BIN1: variants seen among roughly 807,000 people sequenced by gnomAD.
BIN1 encodes bridging integrator 1.
Under a neutral mutation model 82.0 loss-of-function variants are expected in BIN1, and 53 were observed. The observed-to-expected ratio is 0.65, with a 90% confidence interval of 0.52 to 0.81. The LOEUF (loss-of-function observed/expected upper bound fraction) is 0.81. Among genes scored for constraint, BIN1 ranks in the 40% least tolerant of loss-of-function variants. The pLI is 0.00. For missense variants in BIN1, 642 were observed against 784.4 expected, an observed-to-expected ratio of 0.82 and a Z score of 2.17; for synonymous variants, 302 against 328.0, an observed-to-expected ratio of 0.92 and a Z score of 0.86.
intron 9 of BIN1, among the ~76,000 whole-genome samples, chr2:127,063,152 G>A (rs1355733120): frequency 1.3e-5 from 2 of 152,224 alleles, no homozygotes; most frequent in Admixed American, 6.5e-5. Flanking sequence ...TCACGCAGAC[G>A]AAACAGGCCT....
Position 127,050,878 on chromosome 2 carries a change from G to A in BIN1, c.1496C>T (p.Pro499Leu), listed in dbSNP as rs1682842845. Residue 499 changes from proline (P) to leucine (L), a missense_variant, in exon 17 of 19, where the codon CCA becomes CTA. Physicochemically the swap from Pro to Leu is moderately conservative, Grantham distance 98. Transcript: ENST00000316724. Reference sequence around the variant, plus strand: ...CTCCACGGTGCCATTCACAGTTGCTGGGAAGGTCTCCACCACGACAGCAGG... The same window carrying A: ...CTCCACGGTGCCATTCACAGTTGCTAGGAAGGTCTCCACCACGACAGCAGG... ...SLPAVVVETFPATVNGTVEGG... is the reference protein window; with the variant it reads ...SLPAVVVETFLATVNGTVEGG... The A allele has an allele frequency of 5.6e-6, 9 of 1,613,962 alleles. No individual in the cohort carries two copies. The highest frequency in any genetic ancestry group is 1.6e-4 in the Middle Eastern group (1 of 6,062).
At chr2:127,073,390 A>G (rs765349638) in intron 2 of BIN1, among the ~76,000 whole-genome samples, 2 of 152,254 alleles carry the variant, frequency 1.3e-5, no homozygotes, top group African/African-American at 4.8e-5. Context: ...CACAGAGCCC[A>G]GCTGGGGGAA....
intron 2 of BIN1, among the ~76,000 whole-genome samples, chr2:127,072,416 C>T (rs1466127295): frequency 1.3e-5 from 2 of 152,216 alleles, no homozygotes; most frequent in Non-Finnish European, 2.9e-5. Context: ...CCGGCCCAGT[C>T]ACACAGAGAC....
At chr2:127,080,032 T>C (rs964036710) in intron 1 of BIN1, among the ~76,000 whole-genome samples, 1 of 152,244 alleles carries the variant, frequency 6.6e-6, no homozygotes, top group African/African-American at 2.4e-5. Flanking sequence ...GGCCACAGCA[T>C]GGCCGAGGCC....
chr2:127,101,168 A>G (rs873600), intron 1 of BIN1, among the ~76,000 whole-genome samples: 61,929 of 151,868 alleles, frequency 0.41, 13,138 homozygotes, highest in African/African-American at 0.54. Flanking sequence ...TCCATCCTGG[A>G]CAGGTACCCC....
At chr2:127,069,119 C>T (rs867484505) in intron 5 of BIN1, 88 bp from the exon 6 acceptor site, 22 of 1,278,034 alleles carry the variant, frequency 1.7e-5, no homozygotes, top group South Asian at 1.2e-4. Flanking sequence ...ACCCGCAGGG[C>T]GGGCAGGAGA....
rs551737508 is a variant in BIN1, at chr2:127,060,420, G to A, written c.858-1265C>T. 1.6e-4 allele frequency among the ~76,000 whole-genome samples: 25 copies of A among 152,284 alleles called. No individual in the cohort carries two copies. In the East Asian group the frequency reaches 2.5e-3, roughly 15 times the overall value. ...CAGCCAGATGCTCAGAGGCCAGCCC[G>A]CCCCGCGCCGCCTCCGCCTTCCCAC... On this transcript the variant is annotated intron_variant, in intron 10 of 18. Coordinates refer to ENST00000316724, the MANE Select transcript of BIN1 (RefSeq NM_139343.3).
chr2:127,094,410 G>A (rs1679315843), intron 1 of BIN1, among the ~76,000 whole-genome samples: 1 of 152,170 alleles, frequency 6.6e-6, no homozygotes, highest in African/African-American at 2.4e-5. Context: ...CCCCCTTCAG[G>A]ATTGAGACCA....
chr2:127,055,010 G>C (rs1055443369), intron 12 of BIN1: 1 of 152,290 alleles, frequency 6.6e-6, no homozygotes, highest in Non-Finnish European at 1.5e-5. Context: ...TTCCCTTTGG[G>C]GGCCAGAGAG....
rs557786892 is a variant in BIN1, at chr2:127,081,988, A to C, written c.85-5282T>G. On this transcript the variant is annotated intron_variant, in intron 1 of 18. Coordinates refer to ENST00000316724, the MANE Select transcript of BIN1 (RefSeq NM_139343.3). ...CGGCGTTCTCACACCGAGGCTCCCC[A>C]GGCAGGCAGACACAGACAGAGGACA... 1,351 of 957,378 alleles carry C rather than the reference A, an allele frequency of 1.4e-3. 20 individuals carry two copies. In the South Asian group the frequency reaches 0.015, roughly 10 times the overall value. The allele number at this position is 957,378 out of a possible 1,614,324, so 59.3% of individuals were successfully genotyped here. A position where few individuals can be genotyped will look rare whatever the true frequency, so the allele number is the denominator to read the frequency against.
chr2:127,092,718 G>A (rs892285743), intron 1 of BIN1, among the ~76,000 whole-genome samples: 2 of 152,168 alleles, frequency 1.3e-5, no homozygotes, highest in African/African-American at 2.4e-5. Context: ...GTGTGCCCAG[G>A]TTCCTTCACT....
chr2:127,084,562 ATGCTCAT>A (rs1269482668), intron 1 of BIN1, among the ~76,000 whole-genome samples: 1 of 152,196 alleles, frequency 6.6e-6, no homozygotes, highest in Non-Finnish European at 1.5e-5. Context: ...GTGGAGAGGC[ATGCTCAT>A]TGCTCTTAGG....
chr2:127,094,752 G>C (rs2105301491), intron 1 of BIN1, among the ~76,000 whole-genome samples: 1 of 152,342 alleles, frequency 6.6e-6, no homozygotes, highest in African/African-American at 2.4e-5. Flanking sequence ...TGCTGACTCA[G>C]CTCCCCCCGC....
intron 7 of BIN1, among the ~76,000 whole-genome samples, chr2:127,064,580 TCTCC>T (rs1684910204): frequency 6.6e-6 from 1 of 151,974 alleles, no homozygotes; most frequent in Non-Finnish European, 1.5e-5. Context: ...CACAAAGCCC[TCTCC>T]TGGGACCTGT....
intron 7 of BIN1, 76 bp from the exon 8 acceptor site, chr2:127,064,094 C>T: frequency 2.6e-6 from 4 of 1,537,996 alleles, no homozygotes; most frequent in Non-Finnish European, 3.6e-6. Context: ...CCTCCCACCT[C>T]CTGCCCACCC....
At chr2:127,100,135 G>A (rs188131231) in intron 1 of BIN1, among the ~76,000 whole-genome samples, 321 of 152,296 alleles carry the variant, frequency 2.1e-3, no homozygotes, top group Non-Finnish European at 3.5e-3. Context: ...GAATAAACTG[G>A]AGACAACTTT....
At chr2:127,063,723 C>A (rs188285398) in intron 8 of BIN1, 77 bp from the exon 9 acceptor site, 2 of 1,495,614 alleles carry the variant, frequency 1.3e-6, no homozygotes, top group Non-Finnish European at 1.8e-6. Flanking sequence ...CACCCACGAG[C>A]GACCACACAC....
At chr2:127,080,749 G>T (rs1687182758) in intron 1 of BIN1, among the ~76,000 whole-genome samples, 1 of 152,168 alleles carries the variant, frequency 6.6e-6, no homozygotes, top group Admixed American at 6.5e-5. Context: ...GCCTTGGAGG[G>T]GACACCCCAG....
chr2:127,104,920 G>A lies in BIN1; in HGVS notation c.84+1940C>T, dbSNP rs565132362. 3.9e-5 allele frequency among the ~76,000 whole-genome samples: 6 copies of A among 152,318 alleles called. No individual in the cohort carries two copies. In the East Asian group the frequency reaches 5.8e-4, roughly 15 times the overall value. On this transcript the variant is annotated intron_variant, in intron 1 of 18. Coordinates refer to ENST00000316724, the MANE Select transcript of BIN1 (RefSeq NM_139343.3). ...GGGGGAGGGTCCCTAACTAGTCTCC[G>A]GCAGGCAGAGAGCAGCTGGAACACT...
Sources: gnomAD v4.1 joint callset for allele counts (sites outside exome capture counted in the v4.1 genomes callset) on GRCh38, gnomAD v4.1.1 for gene constraint, MANE v1.5 for transcripts, NCBI Gene and HGNC (gene_info 2026-07-23, HGNC 2026-07-21) for gene names.